The following EGFLAM variants were observed in gnomAD, a reference collection of about 807,000 sequenced individuals.
The protein encoded by EGFLAM is pikachurin.
Under a neutral mutation model 113.1 loss-of-function variants are expected in EGFLAM, and 79 were observed. That is an observed-to-expected ratio of 0.70 (90% confidence interval 0.58 to 0.84). EGFLAM has a LOEUF of 0.84. Ranked by LOEUF, EGFLAM falls within the 40% of genes least tolerant of loss-of-function variation. The pLI, the probability that EGFLAM is intolerant of heterozygous loss-of-function variation, is 0.00. For synonymous variants in EGFLAM, 504 were observed against 487.6 expected (o/e 1.03, Z -0.44); for missense variants, 1,265 against 1,291.6 (o/e 0.98, Z 0.32).
At chr5:38,350,642 A>G (rs1467720697) in intron 4 of EGFLAM, 24 bp downstream of exon 4, 19 of 1,603,970 alleles carry the variant, frequency 1.2e-5, no homozygotes, top group South Asian at 2.2e-5. Flanking sequence ...AAATTCATTA[A>G]TAGGTGGCAG....
chr5:38,435,371 A>G (rs1579927738), intron 16 of EGFLAM, 118 bp downstream of exon 16: 1 of 768,838 alleles, frequency 1.3e-6, no homozygotes, highest in South Asian at 1.9e-5. Flanking sequence ...AAGTTTTAAC[A>G]TTTTTAAAAA....
chr5:38,400,268 A>G (rs537417534), intron 6 of EGFLAM, among the ~76,000 whole-genome samples: 1 of 152,344 alleles, frequency 6.6e-6, no homozygotes, highest in South Asian at 2.1e-4. Flanking sequence ...CCTTTATTAA[A>G]ACAAAGCACA....
intron 1 of EGFLAM, among the ~76,000 whole-genome samples, chr5:38,271,852 T>A (rs1757773094): frequency 6.6e-6 from 1 of 152,256 alleles, no homozygotes; most frequent in Non-Finnish European, 1.5e-5. Context: ...CCTAATGGAT[T>A]ATCTTACACA....
At chr5:38,391,387 TG>T (rs1561063747) in intron 6 of EGFLAM, among the ~76,000 whole-genome samples, 27 of 146,434 alleles carry the variant, frequency 1.8e-4, no homozygotes, top group African/African-American at 6.6e-4. Flanking sequence ...CTTTTCTTTG[TG>T]TGTGTGTGTG....
intron 12 of EGFLAM, among the ~76,000 whole-genome samples, chr5:38,421,961 G>A (rs1039127679): frequency 1.1e-4 from 17 of 152,120 alleles, no homozygotes; most frequent in African/African-American, 3.9e-4. Flanking sequence ...GACCAGCTGA[G>A]GTCTATTGCA....
At chr5:38,274,443 T>C (rs902935604) in intron 1 of EGFLAM, among the ~76,000 whole-genome samples, 4 of 152,140 alleles carry the variant, frequency 2.6e-5, no homozygotes, top group African/African-American at 7.2e-5. Context: ...GAGAGGATCC[T>C]GAAAGCAGCA....
At chr5:38,372,288 G>T (rs1243642507) in intron 6 of EGFLAM, among the ~76,000 whole-genome samples, 1 of 152,034 alleles carries the variant, frequency 6.6e-6, no homozygotes, top group African/African-American at 2.4e-5. Flanking sequence ...TATTGCAGGT[G>T]CCCACCACCA....
At chr5:38,367,220 C>G (rs1311099892) in intron 5 of EGFLAM, among the ~76,000 whole-genome samples, 1 of 151,370 alleles carries the variant, frequency 6.6e-6, no homozygotes, top group East Asian at 1.9e-4. Flanking sequence ...AATCATAGCT[C>G]GCAGCAGCCT....
At chr5:38,402,239 A>T (rs1452457954) in intron 6 of EGFLAM, among the ~76,000 whole-genome samples, 1 of 152,244 alleles carries the variant, frequency 6.6e-6, no homozygotes, top group Admixed American at 6.5e-5. Flanking sequence ...AAAAACAACA[A>T]AAACCTGAAA....
At chr5:38,325,565 G>A (rs1240245760) in intron 1 of EGFLAM, among the ~76,000 whole-genome samples, 1 of 152,210 alleles carries the variant, frequency 6.6e-6, no homozygotes, top group East Asian at 1.9e-4. Context: ...TTTGAGCATT[G>A]CTTTAAGATT....
intron 1 of EGFLAM, among the ~76,000 whole-genome samples, chr5:38,327,157 T>C (rs985034393): frequency 1.3e-5 from 2 of 152,196 alleles, no homozygotes; most frequent in African/African-American, 4.8e-5. Flanking sequence ...AAGATCTGCA[T>C]CATTCATCAC....
At chr5:38,336,396 A>T (rs1025068509) in intron 1 of EGFLAM, among the ~76,000 whole-genome samples, 7 of 152,168 alleles carry the variant, frequency 4.6e-5, no homozygotes, top group Admixed American at 6.5e-5. Flanking sequence ...ACACAGTGAA[A>T]CCCCGTCTCT....
At chr5:38,405,600 A>T (rs1413640188) in intron 6 of EGFLAM, among the ~76,000 whole-genome samples, 1 of 152,148 alleles carries the variant, frequency 6.6e-6, no homozygotes, top group East Asian at 1.9e-4. Context: ...GACATTTGGG[A>T]TGTTGTTTGT....
In EGFLAM at chr5:38,404,025, G is replaced by C. The variant is rs912809691; in HGVS notation, c.713-2101G>C. The C allele has an allele frequency of 2.6e-6, 4 of 1,534,862 alleles. No individual in the cohort carries two copies. The South Asian group carries it at 3.6e-5, about 14-fold the overall frequency. ...ATCCCACCTCCACCAAGAAGTGCCCGAACCCCTGAGAACAGCTCACTCCAC... is the reference window on the plus strand; with the variant it reads ...ATCCCACCTCCACCAAGAAGTGCCCCAACCCCTGAGAACAGCTCACTCCAC... On this transcript the variant is annotated intron_variant, in intron 6 of 21. Coordinates refer to ENST00000322350, the MANE Select transcript of EGFLAM (RefSeq NM_152403.4).
chr5:38,355,975 G>C (rs1276536472), intron 5 of EGFLAM, among the ~76,000 whole-genome samples: 1 of 152,008 alleles, frequency 6.6e-6, no homozygotes, highest in Non-Finnish European at 1.5e-5. Context: ...GGTCAGGCTG[G>C]TCTCAAACTC....
At chr5:38,321,988 C>G (rs1046358901) in intron 1 of EGFLAM, among the ~76,000 whole-genome samples, 1 of 152,184 alleles carries the variant, frequency 6.6e-6, no homozygotes, top group African/African-American at 2.4e-5. Flanking sequence ...AGAGCAGGTT[C>G]AAATTCCAAT....
intron 1 of EGFLAM, among the ~76,000 whole-genome samples, chr5:38,333,587 G>A (rs1010698947): frequency 3.3e-5 from 5 of 151,940 alleles, no homozygotes; most frequent in East Asian, 1.9e-4. Flanking sequence ...CTTGTTGGTC[G>A]CATGTGTGTT....
intron 6 of EGFLAM, among the ~76,000 whole-genome samples, chr5:38,396,792 G>A (rs12153144): frequency 0.12 from 18,145 of 152,260 alleles, 1,483 homozygotes; most frequent in Non-Finnish European, 0.17. Flanking sequence ...GGGTTTTCCT[G>A]CTGTGTTCAC....
At chr5:38,298,706 T>C (rs1311441489) in intron 1 of EGFLAM, among the ~76,000 whole-genome samples, 1 of 152,212 alleles carries the variant, frequency 6.6e-6, no homozygotes, top group African/African-American at 2.4e-5. Context: ...TTATCTTTTT[T>C]ATTTTTTTTC....
Sources: gnomAD v4.1 joint callset for allele counts (sites outside exome capture counted in the v4.1 genomes callset) on GRCh38, gnomAD v4.1.1 for gene constraint, MANE v1.5 for transcripts, NCBI Gene and HGNC (gene_info 2026-07-23, HGNC 2026-07-21) for gene names.